Variants in ZNF248 observed in about 807,000 individuals in gnomAD.
ZNF248 encodes KRAB protein domain.
ZNF248 carries 20 observed loss-of-function variants against 44.3 expected under a neutral mutation model. The observed-to-expected ratio is 0.45, with a 90% CI of 0.32 to 0.66. ZNF248 has a LOEUF of 0.66. Among genes scored for constraint, ZNF248 ranks in the 30% least tolerant of loss-of-function variants. The pLI, the probability that ZNF248 is intolerant of heterozygous loss-of-function variation, is 0.04. For synonymous variants in ZNF248, 224 were observed against 229.0 expected, an observed-to-expected ratio of 0.98 and a Z score of 0.20; for missense variants, 654 against 677.0, an observed-to-expected ratio of 0.97 and a Z score of 0.38.
chr10:37,829,330 T>C lies in ZNF248; in HGVS notation c.*2285A>G, dbSNP rs1001345800. 2.6e-5 allele frequency: 26 copies of C among 985,372 alleles called. No individual in the cohort carries two copies. The highest frequency in any genetic ancestry group is 3.1e-5 in the Non-Finnish European group (26 of 829,958). 61.0% of individuals were successfully genotyped at this position (985,372 alleles called of 1,614,324 possible). ...TGGGTGTTTCACTGTCCCTTGTTTC[T>C]GGCCCACACCACTGTAATCAGTCTG... On this transcript the variant is annotated 3_prime_UTR_variant, in exon 6 of 6. Coordinates refer to ENST00000395867, the MANE Select transcript of ZNF248 (RefSeq NM_021045.3).
chr10:37,764,512 A>T, the ZNF248 span, among the ~76,000 whole-genome samples: 9,123 of 152,176 alleles, frequency 0.06, 349 homozygotes, highest in Middle Eastern at 0.095. Flanking sequence ...ACCCTACTAG[A>T]ACACTCCCTC....
chr10:37,773,134 T>C (rs1333604222), downstream of ZNF248, among the ~76,000 whole-genome samples: 2 of 152,156 alleles, frequency 1.3e-5, no homozygotes, highest in Non-Finnish European at 2.9e-5. Context: ...TAATCCCAGC[T>C]ACTCAGGAGG....
At chr10:37,766,055 G>T in the ZNF248 span, among the ~76,000 whole-genome samples, 1 of 152,276 alleles carries the variant, frequency 6.6e-6, no homozygotes, top group East Asian at 1.9e-4. Flanking sequence ...CAGCAACGCT[G>T]CGGGAGGGGC....
intron 6 of ZNF248, among the ~76,000 whole-genome samples, chr10:37,782,042 T>C (rs1399589179): frequency 6.6e-6 from 1 of 152,230 alleles, no homozygotes; most frequent in Non-Finnish European, 1.5e-5. Flanking sequence ...CATTATCAGT[T>C]ACAGACACTT....
intron 6 of ZNF248, among the ~76,000 whole-genome samples, chr10:37,798,598 AC>A (rs1218345879): frequency 1.3e-5 from 2 of 152,190 alleles, no homozygotes; most frequent in Non-Finnish European, 2.9e-5. Context: ...ATACACATGT[AC>A]ATGTATATTC....
chr10:37,777,889 T>A (rs1250639020), intron 6 of ZNF248, among the ~76,000 whole-genome samples: 1 of 152,130 alleles, frequency 6.6e-6, no homozygotes, highest in Non-Finnish European at 1.5e-5. Context: ...GGCTGCATAG[T>A]ATTCCACGGT....
intron 6 of ZNF248, among the ~76,000 whole-genome samples, chr10:37,808,411 T>C (rs1166032501): frequency 6.6e-6 from 1 of 151,710 alleles, no homozygotes; most frequent in South Asian, 2.1e-4. Flanking sequence ...GCCTCCTGAG[T>C]AGCTGGGATT....
At chr10:37,853,281 A>G (rs2060646030) in intron 3 of ZNF248, among the ~76,000 whole-genome samples, 1 of 152,232 alleles carries the variant, frequency 6.6e-6, no homozygotes, top group Non-Finnish European at 1.5e-5. Context: ...AGAAAAGAGA[A>G]AATCTCATAA....
the ZNF248 span, among the ~76,000 whole-genome samples, chr10:37,764,683 G>C: frequency 6.6e-6 from 1 of 152,176 alleles, no homozygotes; most frequent in African/African-American, 2.4e-5. Context: ...CGGGAAAATA[G>C]AAAAGGACTC....
intron 6 of ZNF248, among the ~76,000 whole-genome samples, chr10:37,818,422 A>G (rs2052902436): frequency 6.6e-6 from 1 of 152,166 alleles, no homozygotes; most frequent in South Asian, 2.1e-4. Flanking sequence ...GGAGCTGCCC[A>G]TGGTTTCTCC....
chr10:37,797,330 A>G (rs2049274187), intron 6 of ZNF248, among the ~76,000 whole-genome samples: 1 of 151,170 alleles, frequency 6.6e-6, no homozygotes, highest in African/African-American at 2.5e-5. Flanking sequence ...TAAATGAAAG[A>G]GCTAATACTT....
intron 5 of ZNF248, among the ~76,000 whole-genome samples, chr10:37,836,640 T>A (rs1394666913): frequency 6.6e-6 from 1 of 152,130 alleles, no homozygotes; most frequent in African/African-American, 2.4e-5. Context: ...GACTATACCG[T>A]CATTCTTCGT....
chr10:37,837,639 T>A lies in ZNF248; in HGVS notation c.216A>T (p.Gly72=). 2 of 1,614,098 alleles carry A rather than the reference T, an allele frequency of 1.2e-6. No homozygotes were observed. The highest frequency in any genetic ancestry group is 8.5e-7 in the Non-Finnish European group (1 of 1,180,006). The part of the protein sequence containing the change: ...QGEEPWILEK[G]FPSQCHPERK... ...CACCTGGGTGGCACTGGCTTGGGAATCCTTTTTCTAATATCCAGGGCTCTT... is the reference window on the plus strand; with the variant it reads ...CACCTGGGTGGCACTGGCTTGGGAAACCTTTTTCTAATATCCAGGGCTCTT... Residue 72 remains glycine (G), a synonymous_variant, in exon 5 of 6, where the codon GGA becomes GGT. Transcript: ENST00000395867.
the ZNF248 span, among the ~76,000 whole-genome samples, chr10:37,767,755 A>G: frequency 5.3e-5 from 8 of 152,176 alleles, no homozygotes; most frequent in Non-Finnish European, 1.0e-4. Flanking sequence ...ATAATGACAG[A>G]ATCAAATTCA....
chr10:37,797,311 TCAAAGAC>T (rs1165812254), intron 6 of ZNF248, among the ~76,000 whole-genome samples: 1 of 148,954 alleles, frequency 6.7e-6, no homozygotes, highest in African/African-American at 2.6e-5. Flanking sequence ...TCAAAATTGA[TCAAAGAC>T]CTAAATGAAA....
chr10:37,769,177 G>A, the ZNF248 span, among the ~76,000 whole-genome samples: 40 of 152,224 alleles, frequency 2.6e-4, no homozygotes, highest in African/African-American at 7.7e-4. Flanking sequence ...AATCACAGCC[G>A]AATTCTACCA....
intron 3 of ZNF248, among the ~76,000 whole-genome samples, chr10:37,855,462 C>G (rs1466722100): frequency 6.6e-6 from 1 of 151,830 alleles, no homozygotes; most frequent in Non-Finnish European, 1.5e-5. Flanking sequence ...TGAAACCAGT[C>G]AGGAAAAACA....
chr10:37,832,497 T>C lies in ZNF248; in HGVS notation c.858A>G (p.Gly286=). ...GKSFCMNLRF[G]HQRALTKDNP... ...TGTCCTTTGTAAGAGCTCTCTGATG[T>C]CCAAACCTTAAATTCATGCAGAAGG... The change falls in exon 6 of 6, where the codon GGA becomes GGG. Residue 286 remains glycine (G), a synonymous_variant. Transcript: ENST00000395867. 1 of 1,613,946 alleles carries C rather than the reference T, an allele frequency of 6.2e-7. No homozygotes were observed. Among genetic ancestry groups the C allele is most frequent in the Non-Finnish European group, 8.5e-7 (1 of 1,179,940 alleles).
At chr10:37,836,887 A>G (rs1269543950) in intron 5 of ZNF248, among the ~76,000 whole-genome samples, 15 of 152,168 alleles carry the variant, frequency 9.9e-5, no homozygotes. Context: ...CATAACAGAC[A>G]TAGTGAGTGC....
Sources: allele counts gnomAD v4.1 joint callset (sites outside exome capture counted in the v4.1 genomes callset), GRCh38; gene constraint gnomAD v4.1.1; transcripts MANE v1.5; gene names NCBI Gene and HGNC (gene_info 2026-07-23, HGNC 2026-07-21).